Variants in MATK observed in about 807,000 individuals in gnomAD.
MATK encodes megakaryocyte-associated tyrosine kinase.
Under a neutral mutation model 59.8 loss-of-function variants are expected in MATK, and 41 were observed. The observed-to-expected ratio is 0.69, with a 90% CI of 0.53 to 0.89. MATK has a LOEUF of 0.89. Among genes scored for constraint, MATK ranks in the 40% least tolerant of loss-of-function variants. The probability of loss-of-function intolerance (pLI) is 0.00; values close to 1 mark genes in which losing one functional copy is unlikely to be tolerated. For missense variants in MATK, 593 were observed against 719.6 expected (o/e 0.82, Z 2.01); for synonymous variants, 308 against 306.1 (o/e 1.01, Z -0.06).
At position 3,784,342 on chromosome 19, in the gene MATK, C is replaced by T; in HGVS notation, c.242G>A (p.Cys81Tyr). 1 of 1,604,244 alleles carries T rather than the reference C, an allele frequency of 6.2e-7. No individual in the cohort carries two copies. Residue 81 changes from cysteine to tyrosine, a missense_variant, in exon 4 of 14, where the codon TGC (cysteine) becomes TAC (tyrosine). Physicochemically the swap from Cys to Tyr is radical, Grantham distance 194 (BLOSUM62 -2). Transcript: ENST00000310132. ...KGDVVTILEA[C>Y]ENKSWYRVKH... ...CACCCGCCGGCCACCTCTCACCTCG[C>T]AGGCCTCCAGGATGGTGACCACGTC...
intron 1 of MATK, among the ~76,000 whole-genome samples, chr19:3,799,958 C>T (rs1394460821): frequency 8.6e-5 from 13 of 151,268 alleles, no homozygotes; most frequent in African/African-American, 1.5e-4. Context: ...CTGGCTGACA[C>T]GGTGAAACCC....
chr19:3,780,706 A>C (rs2037388415), intron 8 of MATK, among the ~76,000 whole-genome samples: 2 of 149,810 alleles, frequency 1.3e-5, no homozygotes, highest in Non-Finnish European at 1.5e-5. Flanking sequence ...TGCTGGGATT[A>C]CAGGCATGAG....
upstream of MATK, chr19:3,789,319 C>T (rs750242378): frequency 4.2e-5 from 33 of 778,382 alleles, no homozygotes; most frequent in Admixed American, 1.9e-4. Flanking sequence ...TCTGCCTTCT[C>T]TTCGTTCAGC....
intron 12 of MATK, among the ~76,000 whole-genome samples, 156 bp downstream of exon 12, chr19:3,778,836 A>C (rs2037356044): frequency 6.6e-6 from 1 of 152,164 alleles, no homozygotes; most frequent in African/African-American, 2.4e-5. Context: ...TGAGGCCCAG[A>C]GGGGGGCTAC....
At chr19:3,794,025 A>G (rs367553000) in intron 1 of MATK, among the ~76,000 whole-genome samples, 2 of 152,094 alleles carry the variant, frequency 1.3e-5, no homozygotes, top group East Asian at 3.9e-4. Flanking sequence ...TGGGGCAGCC[A>G]CAGGACCTTT....
intron 1 of MATK, among the ~76,000 whole-genome samples, chr19:3,795,599 G>C (rs1324469667): frequency 2.0e-5 from 3 of 151,734 alleles, no homozygotes; most frequent in African/African-American, 7.3e-5. Flanking sequence ...ATATAATATT[G>C]ATTCCATTTT....
At chr19:3,786,527 A>AG (rs1568408777), upstream of MATK, 1 of 344,634 alleles carries the variant, frequency 2.9e-6, no homozygotes, top group Non-Finnish European at 4.0e-6. The surrounding 1 kb of genome is among the most constrained non-coding windows in gnomAD (Gnocchi z 4.1). Context: ...TCGGGCGTGC[A>AG]CCCCCCACCC....
intron 1 of MATK, chr19:3,793,110 T>C (rs1399672850): frequency 6.6e-6 from 1 of 152,250 alleles, no homozygotes; most frequent in Non-Finnish European, 1.5e-5. Context: ...CCATTCTCGA[T>C]TCCTTGAACG....
At chr19:3,788,995 G>A (rs539106336), upstream of MATK, among the ~76,000 whole-genome samples, 6 of 152,082 alleles carry the variant, frequency 3.9e-5, no homozygotes, top group Non-Finnish European at 7.4e-5. Context: ...ATGGTTTACC[G>A]GCCTCAACTT....
chr19:3,786,603 G>A (rs1004238425), upstream of MATK, among the ~76,000 whole-genome samples: 3 of 151,374 alleles, frequency 2.0e-5, no homozygotes, highest in Non-Finnish European at 4.4e-5. The surrounding 1 kb of genome is among the most constrained non-coding windows in gnomAD (Gnocchi z 4.1). Context: ...GGGGACCGGG[G>A]GTGAGGGAGA....
chr19:3,783,232 G>A lies in MATK; in HGVS notation c.583-13C>T. 1 of 1,490,278 alleles carries A rather than the reference G, an allele frequency of 6.7e-7. No homozygotes were observed. The highest frequency in any genetic ancestry group is 9.1e-7 in the Non-Finnish European group (1 of 1,101,644). 92.3% of individuals were successfully genotyped at this position (1,490,278 alleles called of 1,614,324 possible). ...CCTTGCTGTAATGCTGCAGGATGGT[G>A]GGACAGCCATGAGCCCAGCCCCAGG... On this transcript the variant is annotated splice_polypyrimidine_tract_variant and intron_variant, in intron 6 of 13. Coordinates refer to ENST00000310132, the MANE Select transcript of MATK (RefSeq NM_139355.3).
chr19:3,789,728 T>C (rs1034231730), upstream of MATK, among the ~76,000 whole-genome samples: 1 of 146,682 alleles, frequency 6.8e-6, no homozygotes, highest in African/African-American at 2.5e-5. Flanking sequence ...TTGCTTTTTT[T>C]TTTTTTTTTT....
upstream of MATK, among the ~76,000 whole-genome samples, chr19:3,787,268 G>A (rs1023024993): frequency 6.6e-6 from 1 of 152,040 alleles, no homozygotes; most frequent in Admixed American, 6.5e-5. Context: ...GTGTAGCTGG[G>A]ACCACAGGGT....
In MATK at chr19:3,778,234, G is replaced by T. The variant is rs2037345119; in HGVS notation, c.1473C>A (p.Val491=). The T allele has an allele frequency of 6.3e-7, 1 of 1,575,326 alleles. No individual in the cohort carries two copies. The highest frequency in any genetic ancestry group is 8.5e-7 in the Non-Finnish European group (1 of 1,170,658). Residue 491 remains valine, a synonymous_variant, in exon 14 of 14, where the codon GTC becomes GTA. Coordinates refer to ENST00000310132, the MANE Select transcript of MATK (RefSeq NM_139355.3). ...TGGAGCCGTCGGCGTCCTGCCCTGAGACGGAGGCTGGGGCACCTGCACTGC... is the reference window on the plus strand; with the variant it reads ...TGGAGCCGTCGGCGTCCTGCCCTGATACGGAGGCTGGGGCACCTGCACTGC... The part of the protein sequence containing the change: ...ELRSAGAPAS[V]SGQDADGSTS...
chr19:3,799,642 C>G (rs2145119162), intron 1 of MATK, among the ~76,000 whole-genome samples: 1 of 148,174 alleles, frequency 6.7e-6, no homozygotes, highest in East Asian at 2.0e-4. Context: ...GAGTTCGAGA[C>G]CAGTCTGGGC....
chr19:3,795,174 T>C (rs910655400), intron 1 of MATK, among the ~76,000 whole-genome samples: 4 of 151,588 alleles, frequency 2.6e-5, no homozygotes, highest in Non-Finnish European at 5.9e-5. Flanking sequence ...AGAAGGGATT[T>C]CATCGTGTTA....
At chr19:3,801,558 A>C (rs11670591) in exon 1 of MATK, 146,440 of 152,370 alleles carry the variant, frequency 0.96, 70,396 homozygotes, top group African/African-American at 0.99. Context: ...CCCGGCTCGC[A>C]GCTAGCATCC....
At chr19:3,790,088 G>A (rs1252055259), upstream of MATK, among the ~76,000 whole-genome samples, 1 of 152,182 alleles carries the variant, frequency 6.6e-6, no homozygotes, top group East Asian at 1.9e-4. Flanking sequence ...TTTTAGTAGA[G>A]ACAGGGTTTC....
upstream of MATK, chr19:3,786,515 T>G: frequency 5.5e-6 from 3 of 544,098 alleles, no homozygotes; most frequent in South Asian, 8.3e-5. This position sits in a 1 kb window ranked among gnomAD's most constrained non-coding sequence, Gnocchi z 4.1. Flanking sequence ...GACCTGGCCC[T>G]GTCGGGCGTG....
Sources: allele counts gnomAD v4.1 joint callset (sites outside exome capture counted in the v4.1 genomes callset), GRCh38; gene constraint gnomAD v4.1.1; non-coding constraint Gnocchi (gnomAD v3.1); transcripts MANE v1.5; gene names NCBI Gene and HGNC (gene_info 2026-07-23, HGNC 2026-07-21).